Variants in LRRC71 observed in about 807,000 individuals in gnomAD.
LRRC71 encodes leucine rich repeat containing 71, also known as leucine-rich repeat-containing protein 71.
LRRC71 carries 54 observed loss-of-function variants against 66.6 expected under a neutral mutation model. The observed-to-expected ratio is 0.81, with a 90% CI of 0.65 to 1.02. The LOEUF is 1.02. Among genes scored for constraint, LRRC71 ranks in the 50% least tolerant of loss-of-function variants. The pLI is 0.00. For synonymous variants in LRRC71, 323 were observed against 303.9 expected (o/e 1.06, Z -0.65); for missense variants, 724 against 718.0 (o/e 1.01, Z -0.10).
chr1:156,935,742 C>T (rs1453358575), downstream of LRRC71: 4 of 486,120 alleles, frequency 8.2e-6, no homozygotes, highest in African/African-American at 1.9e-5. Context: ...GGGGGCCTTT[C>T]GGATGCAGTC....
downstream of LRRC71, chr1:156,933,237 CA>C (rs1217336104): frequency 2.4e-6 from 1 of 419,496 alleles, no homozygotes; most frequent in Non-Finnish European, 4.3e-6. Context: ...CTCAGTTAGC[CA>C]GGGGCATTGC....
downstream of LRRC71, chr1:156,936,135 G>A (rs1459570408): frequency 6.9e-7 from 1 of 1,447,622 alleles, no homozygotes; most frequent in Admixed American, 1.7e-5. Context: ...AGAAAGTTCA[G>A]GCTCACGAGA....
downstream of LRRC71, chr1:156,936,214 C>T (rs1655077395): frequency 1.2e-6 from 1 of 826,504 alleles, no homozygotes; most frequent in Admixed American, 1.7e-5. Flanking sequence ...AAAGGGCTGT[C>T]TACTGAACTC....
At chr1:156,932,804 A>G in intron 14 of LRRC71, 49 bp from the exon 15 acceptor site, 1 of 1,276,906 alleles carries the variant, frequency 7.8e-7, no homozygotes, top group Non-Finnish European at 1.1e-6. Context: ...CTGCCAGAGG[A>G]CTAATCTTCA....
chr1:156,929,666 T>A lies in LRRC71; in HGVS notation c.1177T>A (p.Ser393Thr). 6.3e-7 allele frequency: 1 copy of A among 1,586,968 alleles called. No individual in the cohort carries two copies. The highest frequency in any genetic ancestry group is 8.6e-7 in the Non-Finnish European group (1 of 1,166,734). Residue 393 changes from serine (S) to threonine (T), a missense_variant, in exon 11 of 15, where the codon TCT becomes ACT. Transcript: ENST00000337428. ...GGCCAAGAAAGAGGAGAAGTTGGGG[T>A]CTGGGCAGTCACCCACACAAGGAAC... ...ELAKKEEKLG[S>T]GQSPTQGTPK...
chr1:156,927,049 TG>T, intron 5 of LRRC71, 152 bp from the exon 6 acceptor site: 1 of 684,430 alleles, frequency 1.5e-6, no homozygotes, highest in Non-Finnish European at 2.5e-6. Flanking sequence ...ATTTTTAGTC[TG>T]GGGAATTGTC....
In LRRC71 at chr1:156,929,667, C is replaced by G. The variant is rs774217904; in HGVS notation, c.1178C>G (p.Ser393Cys). The change falls in exon 11 of 15, where the codon TCT becomes TGT. Residue 393 changes from serine (S) to cysteine (C), a missense_variant. Ser to Cys is a moderately radical substitution (Grantham distance 112). Coordinates refer to ENST00000337428, the MANE Select transcript of LRRC71 (RefSeq NM_144702.3). ...ELAKKEEKLG[S>C]GQSPTQGTPK... ...GCCAAGAAAGAGGAGAAGTTGGGGT[C>G]TGGGCAGTCACCCACACAAGGAACC... The G allele has an allele frequency of 6.3e-7, 1 of 1,587,402 alleles. No homozygotes were observed. Among genetic ancestry groups the G allele is most frequent in the Admixed American group, 1.8e-5 (1 of 56,034 alleles).
In LRRC71 at chr1:156,920,840, A is replaced by G. The variant is rs751064530; in HGVS notation, c.37A>G (p.Arg13Gly). The stretch of plus-strand genomic sequence containing the variant: ...GCAGAGCGCGCCGGGGGCCTCACCC[A>G]GGGCCCCGCGTCCGGGGACCCAGAA... ...SEQSAPGASP[R>G]APRPGTQKSS... The change falls in exon 1 of 15, where the codon AGG becomes GGG. Residue 13 changes from arginine to glycine, a missense_variant. Transcript: ENST00000337428. The surrounding 1 kb of genome is among the most constrained non-coding windows in gnomAD (Gnocchi z 4.9). The G allele has an allele frequency of 6.5e-7, 1 of 1,536,160 alleles. No individual in the cohort carries two copies. Among genetic ancestry groups the G allele is most frequent in the Non-Finnish European group, 8.8e-7 (1 of 1,140,026 alleles).
downstream of LRRC71, chr1:156,935,235 C>T (rs2101682722): frequency 6.6e-6 from 1 of 152,422 alleles, no homozygotes; most frequent in East Asian, 1.9e-4. Context: ...TGATCCCCAT[C>T]TTGTGAAGAT....
downstream of LRRC71, among the ~76,000 whole-genome samples, chr1:156,936,497 A>AAAAAAAAAAATATATATAT (rs370282821): frequency 2.9e-5 from 1 of 33,938 alleles, no homozygotes; most frequent in African/African-American, 1.5e-4. Flanking sequence ...AAAAAAAAAA[A>AAAAAAAAAAATATATATAT]ATATATATAT....
the LRRC71 span, chr1:156,938,788 G>A: frequency 4.6e-6 from 2 of 439,548 alleles, no homozygotes; most frequent in Non-Finnish European, 8.1e-6. Context: ...CTGCTGGAAG[G>A]GAGGCAGAGT....
At chr1:156,928,357 T>TTCC (rs1553188834) in intron 9 of LRRC71, among the ~76,000 whole-genome samples, 1 of 142,180 alleles carries the variant, frequency 7.0e-6, no homozygotes, top group Non-Finnish European at 1.5e-5. Context: ...CTTTCTCTTC[T>TTCC]TCTTCCTCTT....
chr1:156,923,911 C>T (rs568438714), intron 1 of LRRC71, 38 bp from the exon 2 acceptor site: 27 of 1,433,664 alleles, frequency 1.9e-5, no homozygotes, highest in Middle Eastern at 5.1e-4. Context: ...CGGGGGTGGG[C>T]GTGGCCCCTT....
At position 156,927,592 on chromosome 1, in the gene LRRC71, C is replaced by G; in HGVS notation, c.759C>G (p.Thr253=). ...CCACGCTGCACAGCTGCAACCGGAC[C>G]CTCGTCTCGCTCAACCTGGGTTTCA... is the stretch of plus-strand genomic sequence containing the variant. ...ALSTLHSCNR[T]LVSLNLGFNH... The change falls in exon 7 of 15, where the codon ACC becomes ACG. Residue 253 remains threonine (T), a synonymous_variant. Transcript: ENST00000337428. The G allele has an allele frequency of 6.3e-7, 1 of 1,599,298 alleles. No homozygotes were observed. Among genetic ancestry groups the G allele is most frequent in the South Asian group, 1.1e-5 (1 of 88,318 alleles).
downstream of LRRC71, among the ~76,000 whole-genome samples, chr1:156,934,403 G>A (rs764173564): frequency 2.0e-5 from 3 of 152,146 alleles, no homozygotes; most frequent in Non-Finnish European, 2.9e-5. Context: ...TGACAGTGAT[G>A]AACTGGCCAG....
At chr1:156,930,032 T>TTTTC (rs1553189647) in intron 11 of LRRC71, among the ~76,000 whole-genome samples, 4 of 120,016 alleles carry the variant, frequency 3.3e-5, no homozygotes, top group African/African-American at 1.5e-4. Context: ...TTTCTTTTCT[T>TTTTC]TTTCTTTCTT....
Position 156,929,342 on chromosome 1 carries a change from C to A in LRRC71, c.1059C>A (p.Ile353=). ...TDREKSQMVG[I]SNSALVDKTD... is the part of the protein sequence containing the mutation. ...GTGAGAAGAGTCAGATGGTAGGGAT[C>A]AGCAATAGTGCATTGGTGGACAAGA... Residue 353 remains isoleucine (I), a synonymous_variant, in exon 10 of 15, where the codon ATC becomes ATA. Coordinates refer to ENST00000337428, the MANE Select transcript of LRRC71 (RefSeq NM_144702.3). The A allele has an allele frequency of 6.2e-7, 1 of 1,613,230 alleles. No individual in the cohort carries two copies. Among genetic ancestry groups the A allele is most frequent in the Non-Finnish European group, 8.5e-7 (1 of 1,179,574 alleles).
chr1:156,937,036 G>C (rs747763386), downstream of LRRC71: 1 of 1,605,564 alleles, frequency 6.2e-7, no homozygotes, highest in African/African-American at 1.3e-5. Flanking sequence ...ATGTCTGCTC[G>C]AGTCCTTCTA....
intron 14 of LRRC71, 87 bp downstream of exon 14, chr1:156,932,632 TC>T (rs772832645): frequency 6.2e-6 from 10 of 1,613,356 alleles, no homozygotes; most frequent in Non-Finnish European, 8.5e-7. Context: ...AGCTTCTGTC[TC>T]CCCATTTCCA....
Sources: allele counts gnomAD v4.1 joint callset (sites outside exome capture counted in the v4.1 genomes callset), GRCh38; gene constraint gnomAD v4.1.1; non-coding constraint Gnocchi (gnomAD v3.1); transcripts MANE v1.5; gene names NCBI Gene and HGNC (gene_info 2026-07-23, HGNC 2026-07-21).